The following GPHN variants were observed in gnomAD, a reference collection of about 807,000 sequenced individuals.
GPHN encodes gephyrin.
In GPHN, 17 loss-of-function variants were observed where a neutral mutation model predicts 95.5. The ratio of observed to expected loss-of-function variants is 0.18; its 90% confidence interval spans 0.12 to 0.27. The LOEUF (loss-of-function observed/expected upper bound fraction) is 0.27, where lower values mean the gene tolerates loss of function less well. Among genes scored for constraint, GPHN ranks in the 10% least tolerant of loss-of-function variants. The pLI, the probability that GPHN is intolerant of heterozygous loss-of-function variation, is 1.00. For missense variants in GPHN, 660 were observed against 978.1 expected (o/e 0.67, Z 4.34); for synonymous variants, 320 against 322.5 (o/e 0.99, Z 0.08).
the GPHN span, among the ~76,000 whole-genome samples, chr14:67,724,107 A>G: frequency 2.7e-5 from 4 of 148,916 alleles, no homozygotes; most frequent in African/African-American, 9.7e-5. Context: ...TATCATGCAT[A>G]TGTTTTGAAT....
the GPHN span, among the ~76,000 whole-genome samples, chr14:67,662,139 G>C: frequency 6.6e-6 from 1 of 150,828 alleles, no homozygotes; most frequent in African/African-American, 2.5e-5. Context: ...TTGGGCAACA[G>C]AGCGAGACTC....
At chr14:67,303,712 A>AT in the GPHN span, 1 of 710,604 alleles carries the variant, frequency 1.4e-6, no homozygotes, top group Non-Finnish European at 2.4e-6. Context: ...AAATTCAATC[A>AT]TTTTTATTTA....
At chr14:67,695,712 G>A in the GPHN span, 4 of 1,613,490 alleles carry the variant, frequency 2.5e-6, no homozygotes, top group Non-Finnish European at 3.4e-6. Context: ...ATCTCTGCCG[G>A]CTGCAGCGGC....
the GPHN span, among the ~76,000 whole-genome samples, chr14:67,403,917 T>C: frequency 6.6e-6 from 1 of 152,082 alleles, no homozygotes; most frequent in Non-Finnish European, 1.5e-5. Context: ...CTGGGTGTGG[T>C]GGCACACTCC....
chr14:67,218,676 T>C, the GPHN span, among the ~76,000 whole-genome samples: 2 of 152,012 alleles, frequency 1.3e-5, no homozygotes, highest in Admixed American at 6.6e-5. Context: ...AACATATCTG[T>C]AGGGGATGGA....
chr14:66,865,027 C>T (rs1331660305), intron 4 of GPHN, among the ~76,000 whole-genome samples: 1 of 152,128 alleles, frequency 6.6e-6, no homozygotes, highest in Non-Finnish European at 1.5e-5. Flanking sequence ...ACAAACTTCA[C>T]ATGTTCTCAC....
chr14:66,724,162 TG>T (rs1041059492), intron 2 of GPHN, among the ~76,000 whole-genome samples: 77 of 152,338 alleles, frequency 5.1e-4, no homozygotes, highest in Middle Eastern at 3.4e-3. Flanking sequence ...TTTGTGATTC[TG>T]GCATATGGGA....
At chr14:67,182,134 AT>A (rs1307156196), downstream of GPHN, among the ~76,000 whole-genome samples, 1 of 152,242 alleles carries the variant, frequency 6.6e-6, no homozygotes, top group African/African-American at 2.4e-5. Context: ...ATAAAATCCA[AT>A]TTCAAACATC....
the GPHN span, among the ~76,000 whole-genome samples, chr14:67,466,697 A>C: frequency 5.0e-3 from 765 of 152,268 alleles, 2 homozygotes; most frequent in African/African-American, 0.017. Flanking sequence ...TCTGGACAAT[A>C]AGATTCCAGC....
At chr14:66,827,400 AG>A (rs2061425893) in intron 4 of GPHN, among the ~76,000 whole-genome samples, 3 of 152,144 alleles carry the variant, frequency 2.0e-5, no homozygotes, top group African/African-American at 7.2e-5. Flanking sequence ...ATAATAAGTC[AG>A]GAACCAAGAA....
chr14:66,655,658 T>C (rs1257958772), intron 1 of GPHN, among the ~76,000 whole-genome samples: 27 of 152,000 alleles, frequency 1.8e-4, no homozygotes, highest in Non-Finnish European at 5.9e-5. Context: ...TGAGAGCATA[T>C]ATCTTTTTTT....
the GPHN span, chr14:67,645,648 C>T: frequency 6.2e-7 from 1 of 1,612,342 alleles, no homozygotes; most frequent in Non-Finnish European, 8.5e-7. Context: ...TGCAGCCTGG[C>T]AATCGGTACC....
At chr14:66,519,702 A>G (rs1336559425) in intron 1 of GPHN, among the ~76,000 whole-genome samples, 1 of 152,084 alleles carries the variant, frequency 6.6e-6, no homozygotes, top group Non-Finnish European at 1.5e-5. Context: ...AGTATTTTGC[A>G]CTTTCTTCCT....
At chr14:66,571,267 C>T (rs1338862981) in intron 1 of GPHN, among the ~76,000 whole-genome samples, 1 of 152,160 alleles carries the variant, frequency 6.6e-6, no homozygotes, top group Non-Finnish European at 1.5e-5. Flanking sequence ...TGAGAACTCA[C>T]TCACTATCAT....
At chr14:67,367,405 A>G in the GPHN span, among the ~76,000 whole-genome samples, 34 of 152,056 alleles carry the variant, frequency 2.2e-4, no homozygotes, top group African/African-American at 8.2e-4. Flanking sequence ...TAATTTTTGT[A>G]TTTTTGGTAG....
chr14:67,003,794 A>C (rs1430180731), intron 9 of GPHN, among the ~76,000 whole-genome samples: 1 of 151,672 alleles, frequency 6.6e-6, no homozygotes, highest in Non-Finnish European at 1.5e-5. Context: ...ATGATTCTTT[A>C]TTCATTTGTT....
At chr14:67,062,920 G>A (rs2075883775) in intron 11 of GPHN, among the ~76,000 whole-genome samples, 1 of 152,098 alleles carries the variant, frequency 6.6e-6, no homozygotes, top group South Asian at 2.1e-4. Context: ...AAGTTCTTTA[G>A]TTTAATTAGA....
intron 1 of GPHN, among the ~76,000 whole-genome samples, chr14:66,660,566 AT>A (rs1257906487): frequency 6.6e-6 from 1 of 151,838 alleles, no homozygotes; most frequent in African/African-American, 2.4e-5. Flanking sequence ...TCTGAAGAGT[AT>A]TTTTACTGGA....
In GPHN at chr14:66,590,803, T is replaced by TAAAA. The variant is rs1595117130; in HGVS notation, c.64+82212_64+82213insAAAA. ...GAAGGAATCCTCCCTAACTCATTTT[T>TAAAA]TGAGACCAGTATCATCCTGATACCA... On this transcript the variant is annotated intron_variant, in intron 1 of 22. Coordinates refer to ENST00000478722, the MANE Select transcript of GPHN (RefSeq NM_020806.5). 7.2e-5 allele frequency among the ~76,000 whole-genome samples: 11 copies of TAAAA among 152,242 alleles called. No homozygotes were observed. In the East Asian group the frequency reaches 1.9e-3, roughly 27 times the overall value.
Sources: gnomAD v4.1 joint callset for allele counts (sites outside exome capture counted in the v4.1 genomes callset) on GRCh38, gnomAD v4.1.1 for gene constraint, MANE v1.5 for transcripts, NCBI Gene and HGNC (gene_info 2026-07-23, HGNC 2026-07-21) for gene names.